DGCR2: variants seen among roughly 807,000 people sequenced by gnomAD.
DGCR2 encodes integral membrane protein DGCR2/IDD.
Under a neutral mutation model 51.6 loss-of-function variants are expected in DGCR2, and 24 were observed. That is an observed-to-expected ratio of 0.47 (90% CI 0.34 to 0.65). The LOEUF (loss-of-function observed/expected upper bound fraction) is 0.65, where lower values mean the gene tolerates loss of function less well. Ranked by LOEUF, DGCR2 falls within the 30% of genes least tolerant of loss-of-function variation. DGCR2 has a pLI of 0.01. For synonymous variants in DGCR2, 340 were observed against 315.4 expected (o/e 1.08, Z -0.82); for missense variants, 765 against 772.1 (o/e 0.99, Z 0.11).
intron 1 of DGCR2, chr22:19,121,901 G>A (rs1411952095): frequency 1.1e-5 from 3 of 269,050 alleles, no homozygotes; most frequent in Non-Finnish European, 2.1e-5. Flanking sequence ...GGGCCCAGAG[G>A]CAACATCCTG....
chr22:19,065,850 G>C (rs2082742053), intron 3 of DGCR2: 1 of 152,212 alleles, frequency 6.6e-6, no homozygotes, highest in Non-Finnish European at 1.5e-5. Context: ...ACAATTTTTA[G>C]CAAAGCCAGT....
At chr22:19,062,596 A>AGGGC (rs1345540990) in intron 5 of DGCR2, among the ~76,000 whole-genome samples, 5 of 152,094 alleles carry the variant, frequency 3.3e-5, no homozygotes, top group Non-Finnish European at 5.9e-5. Context: ...GCAGCTGGAG[A>AGGGC]AGGCACTGCT....
chr22:19,099,912 G>A (rs907188525), intron 1 of DGCR2, among the ~76,000 whole-genome samples: 3 of 151,556 alleles, frequency 2.0e-5, no homozygotes, highest in Non-Finnish European at 4.4e-5. Context: ...AGAGGTTGCA[G>A]TGAGCCGAGA....
At chr22:19,103,376 T>C (rs2083225080) in intron 1 of DGCR2, among the ~76,000 whole-genome samples, 1 of 149,144 alleles carries the variant, frequency 6.7e-6, no homozygotes, top group Non-Finnish European at 1.5e-5. Flanking sequence ...TACTTAAAAC[T>C]GGTAAATTGT....
At chr22:19,039,603 G>A (rs1014401363) in intron 9 of DGCR2, among the ~76,000 whole-genome samples, 1 of 152,232 alleles carries the variant, frequency 6.6e-6, no homozygotes, top group African/African-American at 2.4e-5. Flanking sequence ...GTGGGCAACA[G>A]GGCTGCAGTG....
intron 1 of DGCR2, among the ~76,000 whole-genome samples, chr22:19,096,240 C>A (rs1335867550): frequency 1.3e-5 from 2 of 151,988 alleles, no homozygotes; most frequent in African/African-American, 4.8e-5. Context: ...GTGAAATAAG[C>A]CAGGCACAGA....
At chr22:19,051,888 A>G (rs535042477) in intron 6 of DGCR2, among the ~76,000 whole-genome samples, 76 of 152,328 alleles carry the variant, frequency 5.0e-4, no homozygotes, top group African/African-American at 1.5e-3. Flanking sequence ...GTCTACATAC[A>G]TATCTGCATA....
At chr22:19,085,177 G>C (rs1431770242) in intron 2 of DGCR2, among the ~76,000 whole-genome samples, 3 of 151,800 alleles carry the variant, frequency 2.0e-5, no homozygotes, top group Non-Finnish European at 4.4e-5. Context: ...TAACACGAAG[G>C]GTTTAATACA....
chr22:19,091,359 C>CA (rs1329137631), intron 1 of DGCR2, among the ~76,000 whole-genome samples: 2 of 151,564 alleles, frequency 1.3e-5, no homozygotes, highest in Admixed American at 1.3e-4. Flanking sequence ...GACTCTGTCT[C>CA]AAAAAAAGGC....
chr22:19,063,341 T>G (rs1197302466), intron 4 of DGCR2, 63 bp from the exon 5 acceptor site: 41 of 1,515,492 alleles, frequency 2.7e-5, no homozygotes, highest in Non-Finnish European at 3.6e-5. Context: ...CATCAATGAC[T>G]GTGTGTTTTT....
At chr22:19,063,122 G>A (rs5993488) in intron 5 of DGCR2, 80 bp downstream of exon 5, 512,214 of 1,360,594 alleles carry the variant, frequency 0.38, 98,383 homozygotes, top group African/African-American at 0.53. Flanking sequence ...GGCAGCACTG[G>A]GTAAGAGGGA....
intron 1 of DGCR2, among the ~76,000 whole-genome samples, chr22:19,098,545 A>C (rs2083167118): frequency 6.6e-6 from 1 of 152,182 alleles, no homozygotes; most frequent in African/African-American, 2.4e-5. Flanking sequence ...TAGTTTGCCA[A>C]ACCCTGTTCT....
chr22:19,064,958 C>T lies in DGCR2; in HGVS notation c.438G>A (p.Gln146=), dbSNP rs2082731247. ...AGGTGGCGAGAGAGCCATTCAGGCG[C>T]TGGCAGGTCTGCGCGGCATCCCAGT... ...ENYWDAAQTC[Q]RLNGSLATFS... Residue 146 remains glutamine (Q), a synonymous_variant, in exon 4 of 10, where the codon CAG becomes CAA. Coordinates refer to ENST00000263196, the MANE Select transcript of DGCR2 (RefSeq NM_005137.3). 1.2e-6 allele frequency: 2 copies of T among 1,614,042 alleles called. No individual in the cohort carries two copies. The highest frequency in any genetic ancestry group is 1.3e-5 in the African/African-American group (1 of 75,074).
intron 1 of DGCR2, among the ~76,000 whole-genome samples, chr22:19,119,854 T>G (rs2083412951): frequency 6.6e-6 from 1 of 151,998 alleles, no homozygotes; most frequent in Non-Finnish European, 1.5e-5. Flanking sequence ...CCAGGTGGCT[T>G]GGCATCATCT....
At chr22:19,053,826 TGG>T (rs2082573844) in intron 6 of DGCR2, among the ~76,000 whole-genome samples, 1 of 152,200 alleles carries the variant, frequency 6.6e-6, no homozygotes. Context: ...CAAGGTTAGA[TGG>T]GAAATTCAGA....
chr22:19,057,240 C>G lies in DGCR2; in HGVS notation c.626-78G>C. On this transcript the variant is annotated intron_variant, in intron 5 of 9. Transcript: ENST00000263196. The surrounding 1 kb of genome is among the most constrained non-coding windows in gnomAD (Gnocchi z 5.1). ...TGTGCAGTCCTCAAGGGGACCATGG[C>G]GTCAGACAGGATCATCAACCACAGG... The G allele has an allele frequency of 2.3e-5, 33 of 1,407,996 alleles. No individual in the cohort carries two copies. The highest frequency in any genetic ancestry group is 3.0e-5 in the Non-Finnish European group (32 of 1,051,220). The allele number at this position is 1,407,996 out of a possible 1,614,324, so 87.2% of individuals were successfully genotyped here. A position where few individuals can be genotyped will look rare whatever the true frequency, so the allele number is the denominator to read the frequency against.
At chr22:19,046,320 T>C (rs1359820877) in intron 7 of DGCR2, 1 of 152,254 alleles carries the variant, frequency 6.6e-6, no homozygotes, top group East Asian at 1.9e-4. Flanking sequence ...TTTTCAACTG[T>C]TACAGATAGA....
At chr22:19,052,315 C>G (rs2082556600) in intron 6 of DGCR2, among the ~76,000 whole-genome samples, 1 of 152,042 alleles carries the variant, frequency 6.6e-6, no homozygotes, top group African/African-American at 2.4e-5. Context: ...ACTCGGGAGG[C>G]TGAGACATGC....
At chr22:19,053,442 A>C (rs1396886598) in intron 6 of DGCR2, among the ~76,000 whole-genome samples, 1 of 152,206 alleles carries the variant, frequency 6.6e-6, no homozygotes, top group Non-Finnish European at 1.5e-5. Context: ...CTCCACCCAG[A>C]ACAACAATGC....
Sources: gnomAD v4.1 joint callset for allele counts (sites outside exome capture counted in the v4.1 genomes callset) on GRCh38, gnomAD v4.1.1 for gene constraint, Gnocchi (gnomAD v3.1) non-coding constraint, MANE v1.5 for transcripts, NCBI Gene and HGNC (gene_info 2026-07-23, HGNC 2026-07-21) for gene names.